The following C8orf34 variants were observed in gnomAD, a reference collection of about 807,000 sequenced individuals.
C8orf34 encodes the protein uncharacterized protein C8orf34.
In C8orf34, 65 loss-of-function variants were observed where a neutral mutation model predicts 68.3. The observed-to-expected ratio is 0.95, with a 90% CI of 0.78 to 1.17. C8orf34 has a LOEUF of 1.17. Ranked by LOEUF, C8orf34 falls within the 50% of genes most tolerant of loss-of-function variation. The pLI is 0.00. For missense variants in C8orf34, 664 were observed against 655.4 expected (o/e 1.01, Z -0.14); for synonymous variants, 244 against 241.2 (o/e 1.01, Z -0.11).
intron 7 of C8orf34, among the ~76,000 whole-genome samples, chr8:68,569,949 C>T (rs1240652577): frequency 2.6e-5 from 4 of 152,158 alleles, no homozygotes; most frequent in Non-Finnish European, 5.9e-5. Context: ...TCGATGAAGT[C>T]CCAGCACCAA....
intron 7 of C8orf34, among the ~76,000 whole-genome samples, chr8:68,629,042 A>C (rs1196443561): frequency 6.6e-6 from 1 of 152,204 alleles, no homozygotes; most frequent in Non-Finnish European, 1.5e-5. Context: ...AAGAAAAAAA[A>C]ATGTAGTACT....
chr8:68,567,546 A>G (rs1029141838), intron 7 of C8orf34, among the ~76,000 whole-genome samples: 1 of 121,406 alleles, frequency 8.2e-6, no homozygotes, highest in South Asian at 2.6e-4. Context: ...TGATGTATCA[A>G]TTTTATCTTT....
At chr8:68,793,998 G>T (rs2129529248) in intron 12 of C8orf34, among the ~76,000 whole-genome samples, 1 of 152,164 alleles carries the variant, frequency 6.6e-6, no homozygotes, top group Middle Eastern at 3.4e-3. Flanking sequence ...TGAAAGTGCT[G>T]CTTAATCTAG....
At chr8:68,568,419 T>G in intron 7 of C8orf34, among the ~76,000 whole-genome samples, 1 of 152,144 alleles carries the variant, frequency 6.6e-6, no homozygotes, top group East Asian at 1.9e-4. Context: ...CTTGAACACT[T>G]CAGTATTTTT....
intron 7 of C8orf34, among the ~76,000 whole-genome samples, chr8:68,542,078 G>T (rs1011687470): frequency 1.3e-5 from 2 of 152,092 alleles, no homozygotes; most frequent in Non-Finnish European, 2.9e-5. Context: ...CTAATACAAG[G>T]TTACTTGTCT....
At chr8:68,608,692 A>G (rs1256234654) in intron 7 of C8orf34, among the ~76,000 whole-genome samples, 2 of 151,992 alleles carry the variant, frequency 1.3e-5, no homozygotes, top group African/African-American at 4.8e-5. Context: ...TGGGTATGAC[A>G]TGGTCAGATG....
intron 1 of C8orf34, among the ~76,000 whole-genome samples, chr8:68,360,737 C>T (rs1355107874): frequency 6.6e-6 from 1 of 150,530 alleles, no homozygotes; most frequent in Non-Finnish European, 1.5e-5. Flanking sequence ...GAATATTTCC[C>T]TTTTCCTTTT....
At chr8:68,391,210 A>C (rs1808466173) in intron 1 of C8orf34, among the ~76,000 whole-genome samples, 1 of 152,130 alleles carries the variant, frequency 6.6e-6, no homozygotes, top group Non-Finnish European at 1.5e-5. Flanking sequence ...ATTTAACATT[A>C]ATAAAACCAT....
At chr8:68,575,953 G>A (rs369894508) in intron 7 of C8orf34, among the ~76,000 whole-genome samples, 4,044 of 104,702 alleles carry the variant, frequency 0.039, 241 homozygotes, top group African/African-American at 0.19. Context: ...CTAGTAGATG[G>A]TTGTTTTTTT....
intron 1 of C8orf34, 186 bp from the exon 2 acceptor site, chr8:68,439,313 T>C (rs1228526487): frequency 2.0e-6 from 1 of 490,398 alleles, no homozygotes. Flanking sequence ...TACTTCTCTG[T>C]TATTGTTTCC....
chr8:68,636,272 G>A (rs979470514), intron 7 of C8orf34, among the ~76,000 whole-genome samples: 1 of 151,982 alleles, frequency 6.6e-6, no homozygotes, highest in Non-Finnish European at 1.5e-5. Flanking sequence ...GTGGGTCAAC[G>A]TTCTAATGCT....
chr8:68,601,394 C>G (rs945097410), intron 7 of C8orf34, among the ~76,000 whole-genome samples: 3 of 151,900 alleles, frequency 2.0e-5, no homozygotes, highest in African/African-American at 7.3e-5. Context: ...CTACATGTCC[C>G]TAAGACTGTT....
chr8:68,525,487 G>T, intron 6 of C8orf34: 2 of 633,876 alleles, frequency 3.2e-6, no homozygotes, highest in Non-Finnish European at 5.5e-6. Context: ...TCCCTCTGAG[G>T]CATTTTATTT....
intron 7 of C8orf34, among the ~76,000 whole-genome samples, chr8:68,549,974 C>A (rs1226348184): frequency 6.6e-6 from 1 of 151,696 alleles, no homozygotes; most frequent in South Asian, 2.1e-4. Context: ...TTAATTTAGT[C>A]TTTATACATG....
intron 10 of C8orf34, among the ~76,000 whole-genome samples, chr8:68,732,021 C>T (rs1821991886): frequency 6.6e-6 from 1 of 152,146 alleles, no homozygotes; most frequent in African/African-American, 2.4e-5. Flanking sequence ...ATTGTTATTT[C>T]CTTTATTTGT....
intron 7 of C8orf34, among the ~76,000 whole-genome samples, chr8:68,538,909 T>A (rs937148613): frequency 1.3e-5 from 2 of 152,154 alleles, no homozygotes; most frequent in Non-Finnish European, 2.9e-5. Flanking sequence ...TATGTATCTC[T>A]AGTAGCAAAA....
intron 11 of C8orf34, among the ~76,000 whole-genome samples, chr8:68,783,477 CATTGCA>C (rs58258174): frequency 0.47 from 68,874 of 145,722 alleles, 18,680 homozygotes; most frequent in African/African-American, 0.76. Flanking sequence ...AAGATGGTGC[CATTGCA>C]ATTGCACTCC....
intron 7 of C8orf34, among the ~76,000 whole-genome samples, chr8:68,567,450 G>A (rs571973408): frequency 1.2e-4 from 18 of 151,576 alleles, no homozygotes; most frequent in Non-Finnish European, 2.7e-4. Flanking sequence ...TTGTATTTCT[G>A]TGTTGTCAGT....
chr8:68,446,715 A>G (rs146609938), intron 3 of C8orf34: 160 of 454,572 alleles, frequency 3.5e-4, no homozygotes, highest in African/African-American at 2.9e-3. Context: ...TATAAACTGC[A>G]TGGAGCGGGT....
Sources: allele counts gnomAD v4.1 joint callset (sites outside exome capture counted in the v4.1 genomes callset), GRCh38; gene constraint gnomAD v4.1.1; transcripts MANE v1.5; gene names NCBI Gene and HGNC (gene_info 2026-07-23, HGNC 2026-07-21).